Variants in CHN2 observed in about 807,000 individuals in gnomAD.
CHN2 encodes chimerin 2.
In CHN2, 35 loss-of-function variants were observed where a neutral mutation model predicts 56.3. The observed-to-expected ratio is 0.62, with a 90% CI of 0.47 to 0.82. The LOEUF is 0.82. Among genes scored for constraint, CHN2 ranks in the 40% least tolerant of loss-of-function variants. The pLI is 0.00. For missense variants in CHN2, 491 were observed against 580.5 expected (o/e 0.85, Z 1.58); for synonymous variants, 210 against 212.8 (o/e 0.99, Z 0.12).
intron 1 of CHN2, among the ~76,000 whole-genome samples, chr7:29,317,069 G>A (rs143731418): frequency 1.3e-5 from 2 of 152,276 alleles, no homozygotes; most frequent in Non-Finnish European, 2.9e-5. Flanking sequence ...AACACATCTT[G>A]GTAAGGAAGT....
intron 6 of CHN2, among the ~76,000 whole-genome samples, chr7:29,404,568 C>T (rs960842258): frequency 4.6e-5 from 7 of 152,090 alleles, no homozygotes; most frequent in African/African-American, 1.7e-4. Flanking sequence ...TCACACAACC[C>T]CAGGAAAGGA....
chr7:29,261,906 A>G (rs1789584964), intron 1 of CHN2, among the ~76,000 whole-genome samples: 1 of 152,182 alleles, frequency 6.6e-6, no homozygotes, highest in Non-Finnish European at 1.5e-5. Flanking sequence ...GGTGGGTTAC[A>G]CCTGTAATCC....
At chr7:29,443,441 C>T (rs1452221745) in intron 6 of CHN2, among the ~76,000 whole-genome samples, 2 of 152,120 alleles carry the variant, frequency 1.3e-5, no homozygotes, top group African/African-American at 4.8e-5. Flanking sequence ...TGATGATGTT[C>T]GCACAATGAC....
chr7:29,496,123 C>A, intron 8 of CHN2, 87 bp downstream of exon 8: 1 of 1,054,738 alleles, frequency 9.5e-7, no homozygotes, highest in Non-Finnish European at 1.4e-6. Flanking sequence ...GGGAAATGTG[C>A]TCAGATTAGC....
intron 6 of CHN2, among the ~76,000 whole-genome samples, chr7:29,457,509 G>A (rs1784854385): frequency 6.6e-6 from 1 of 152,092 alleles, no homozygotes; most frequent in African/African-American, 2.4e-5. Flanking sequence ...ACATAACAAA[G>A]TATGTTTGTT....
intron 6 of CHN2, among the ~76,000 whole-genome samples, chr7:29,468,442 A>G (rs571886435): frequency 6.6e-6 from 1 of 152,178 alleles, no homozygotes; most frequent in African/African-American, 2.4e-5. Context: ...TTGACTTGCA[A>G]TCAGTAAGCA....
At chr7:29,328,529 A>T (rs528353146) in intron 1 of CHN2, among the ~76,000 whole-genome samples, 1 of 152,164 alleles carries the variant, frequency 6.6e-6, no homozygotes, top group Non-Finnish European at 1.5e-5. Context: ...GTGAAGAAAA[A>T]ATTTTTAAAT....
rs1391001655 is a variant in CHN2, at chr7:29,344,118, T to C, written c.50-10507T>C. Among the ~76,000 whole-genome samples, 3 of 152,212 alleles carry C rather than the reference T, an allele frequency of 2.0e-5. No homozygotes were observed. The East Asian group carries it at 5.8e-4, about 29-fold the overall frequency. On this transcript the variant is annotated intron_variant, in intron 1 of 12. Coordinates refer to ENST00000222792, the MANE Select transcript of CHN2 (RefSeq NM_004067.4). ...GCTTGTCATCAAGGCCTGTAGATTC[T>C]GTCTTCTCCGTGTCCTTCAAGTCCA...
chr7:29,426,455 G>A (rs911632157), intron 6 of CHN2, among the ~76,000 whole-genome samples: 14 of 152,136 alleles, frequency 9.2e-5, no homozygotes, highest in African/African-American at 3.1e-4. Context: ...CTGGCATTTA[G>A]GGTTATTTGC....
chr7:29,244,057 G>A (rs1787887062), intron 1 of CHN2, among the ~76,000 whole-genome samples: 1 of 152,112 alleles, frequency 6.6e-6, no homozygotes, highest in African/African-American at 2.4e-5. Context: ...AACTAAAAAG[G>A]AAACATTGAA....
At chr7:29,433,143 C>T (rs1001028167) in intron 6 of CHN2, among the ~76,000 whole-genome samples, 5 of 152,182 alleles carry the variant, frequency 3.3e-5, no homozygotes, top group African/African-American at 1.2e-4. Flanking sequence ...GCCAAATGCA[C>T]AGTGCTACAT....
chr7:29,465,735 G>T (rs1384743476), intron 6 of CHN2, among the ~76,000 whole-genome samples: 2 of 152,160 alleles, frequency 1.3e-5, no homozygotes, highest in East Asian at 3.8e-4. Context: ...ATTGCACATG[G>T]CCAATTACAG....
intron 1 of CHN2, among the ~76,000 whole-genome samples, chr7:29,287,069 C>A (rs1170340737): frequency 1.3e-5 from 2 of 152,138 alleles, no homozygotes; most frequent in African/African-American, 4.8e-5. Flanking sequence ...CCATTTGTTT[C>A]TGGTGGAGTC....
intron 4 of CHN2, chr7:29,397,238 T>A (rs1801829053): frequency 6.6e-6 from 1 of 152,200 alleles, no homozygotes; most frequent in African/African-American, 2.4e-5. Context: ...ATAGAGGGAA[T>A]TAGGAAATAA....
At chr7:29,269,777 G>GA (rs1307102401) in intron 1 of CHN2, among the ~76,000 whole-genome samples, 1 of 152,204 alleles carries the variant, frequency 6.6e-6, no homozygotes, top group Non-Finnish European at 1.5e-5. Flanking sequence ...GGCAAACAGA[G>GA]AAAACAGTCC....
chr7:29,296,019 G>A (rs548334957), intron 1 of CHN2, among the ~76,000 whole-genome samples: 1 of 152,206 alleles, frequency 6.6e-6, no homozygotes, highest in East Asian at 1.9e-4. Flanking sequence ...AATATGTGTT[G>A]TAGCTGCGAA....
chr7:29,229,219 G>T (rs950655930), intron 1 of CHN2, among the ~76,000 whole-genome samples: 4 of 152,132 alleles, frequency 2.6e-5, no homozygotes, highest in Non-Finnish European at 5.9e-5. Context: ...AAAGGACAAA[G>T]GTAGTGTCTA....
intron 2 of CHN2, among the ~76,000 whole-genome samples, chr7:29,358,666 C>A (rs35898866): frequency 6.6e-6 from 1 of 151,720 alleles, no homozygotes. Flanking sequence ...GGGTTTCACC[C>A]TGTTAGCCAG....
intron 2 of CHN2, among the ~76,000 whole-genome samples, chr7:29,153,859 C>T (rs918620430): frequency 1.8e-4 from 28 of 152,258 alleles, no homozygotes; most frequent in African/African-American, 6.0e-4. Context: ...CATGAGCCAC[C>T]GCACCTGGCC....
Sources: gnomAD v4.1 joint callset for allele counts (sites outside exome capture counted in the v4.1 genomes callset) on GRCh38, gnomAD v4.1.1 for gene constraint, MANE v1.5 for transcripts, NCBI Gene and HGNC (gene_info 2026-07-23, HGNC 2026-07-21) for gene names.